Variants in XKR4 observed in about 807,000 individuals in gnomAD.
The protein encoded by XKR4 is XK related 4.
In XKR4, 12 loss-of-function variants were observed where a neutral mutation model predicts 53.9. The observed-to-expected ratio is 0.22, with a 90% CI of 0.14 to 0.36. The LOEUF is 0.36. Among genes scored for constraint, XKR4 ranks in the 10% least tolerant of loss-of-function variants. The pLI is 1.00. For synonymous variants in XKR4, 354 were observed against 362.4 expected (o/e 0.98, Z 0.26); for missense variants, 799 against 859.5 (o/e 0.93, Z 0.88).
intron 2 of XKR4, among the ~76,000 whole-genome samples, chr8:55,418,352 G>A (rs1374296948): frequency 2.6e-5 from 4 of 152,184 alleles, no homozygotes; most frequent in African/African-American, 7.2e-5. Flanking sequence ...TCAGTGAATG[G>A]CAAATCCATT....
At chr8:55,280,824 C>A (rs1818835865) in intron 1 of XKR4, among the ~76,000 whole-genome samples, 1 of 152,260 alleles carries the variant, frequency 6.6e-6, no homozygotes, top group Non-Finnish European at 1.5e-5. Context: ...AATGCCCATT[C>A]TATACGTTAA....
Position 55,315,688 on chromosome 8 carries a change from T to G in XKR4, c.807-41990T>G, listed in dbSNP as rs148129451. Among the ~76,000 whole-genome samples, 811 of 152,236 alleles carry G rather than the reference T, an allele frequency of 5.3e-3. 7 individuals carry two copies. Among genetic ancestry groups the G allele is most frequent in the African/African-American group, 0.018 (764 of 41,550 alleles). On this transcript the variant is annotated intron_variant, in intron 1 of 2. Transcript: ENST00000327381. ...AACATAAAACCAAATGGAAAGAACTTTTTATGCTACAAAACCACCTCATTA... is the reference window on the plus strand; with the variant it reads ...AACATAAAACCAAATGGAAAGAACTGTTTATGCTACAAAACCACCTCATTA...
At chr8:55,204,260 C>A (rs939607659) in intron 1 of XKR4, among the ~76,000 whole-genome samples, 1 of 152,082 alleles carries the variant, frequency 6.6e-6, no homozygotes, top group African/African-American at 2.4e-5. Flanking sequence ...CCCACCTCAG[C>A]CTCCTAAAAT....
chr8:55,173,132 GC>G (rs918931128), intron 1 of XKR4, among the ~76,000 whole-genome samples: 59 of 152,192 alleles, frequency 3.9e-4, no homozygotes, highest in African/African-American at 1.3e-3. Flanking sequence ...GAGCTGTCCT[GC>G]CCCCGATCTC....
intron 2 of XKR4, among the ~76,000 whole-genome samples, chr8:55,389,110 T>C (rs114089557): frequency 0.013 from 1,985 of 152,282 alleles, 49 homozygotes; most frequent in African/African-American, 0.046. Context: ...TGAAGACTGT[T>C]GTCTCGCTGC....
chr8:55,165,454 G>T (rs903299560), intron 1 of XKR4, among the ~76,000 whole-genome samples: 1 of 151,610 alleles, frequency 6.6e-6, no homozygotes, highest in African/African-American at 2.4e-5. Context: ...TAAAATTTTG[G>T]CAATGCTAAA....
chr8:55,282,364 G>T (rs1037433685), intron 1 of XKR4, among the ~76,000 whole-genome samples: 6 of 152,168 alleles, frequency 3.9e-5, no homozygotes, highest in Non-Finnish European at 4.4e-5. Context: ...CTGAGACTGG[G>T]TGATTTATGA....
intron 1 of XKR4, among the ~76,000 whole-genome samples, chr8:55,303,668 T>A (rs1204081906): frequency 2.0e-5 from 3 of 152,220 alleles, no homozygotes; most frequent in Non-Finnish European, 4.4e-5. Flanking sequence ...ATTGCCACAA[T>A]TTCAGAGCCT....
Position 55,454,411 on chromosome 8 carries a change from G to T in XKR4, c.1007-68870G>T. The T allele has an allele frequency of 1.5e-5, 20 of 1,316,028 alleles. No homozygotes were observed. In the South Asian group the frequency reaches 2.5e-4, roughly 16 times the overall value. 81.5% of individuals were successfully genotyped at this position (1,316,028 alleles called of 1,614,324 possible). ...TGAGAGGAAACAGCAATGCCAGGAG[G>T]CTCCTGCAGGCATCGGTGAGCTGCT... On this transcript the variant is annotated intron_variant, in intron 2 of 2. Transcript: ENST00000327381.
At chr8:55,499,967 A>G (rs1310237050) in intron 2 of XKR4, among the ~76,000 whole-genome samples, 1 of 152,142 alleles carries the variant, frequency 6.6e-6, no homozygotes, top group African/African-American at 2.4e-5. Flanking sequence ...GAGGAAAGAA[A>G]ATAATAGCCA....
intron 2 of XKR4, among the ~76,000 whole-genome samples, chr8:55,429,751 A>G (rs1017514853): frequency 3.1e-4 from 47 of 152,128 alleles, no homozygotes; most frequent in African/African-American, 1.0e-3. Context: ...AAAAGAAAAG[A>G]AAAAGAAAGA....
At position 55,523,414 on chromosome 8, in the gene XKR4, C is replaced by T; in HGVS notation, c.1140C>T (p.Phe380=). The change falls in exon 3 of 3, where the codon TTC becomes TTT. Residue 380 remains phenylalanine, a synonymous_variant. Transcript: ENST00000327381. ...MAVIIQFCWH[F]FTIAARVITF... The stretch of plus-strand genomic sequence containing the variant: ...TCATCATCCAGTTCTGCTGGCACTT[C>T]TTCACCATCGCCGCCAGGGTCATCA... 1 of 1,614,234 alleles carries T rather than the reference C, an allele frequency of 6.2e-7. No individual in the cohort carries two copies. Among genetic ancestry groups the T allele is most frequent in the Non-Finnish European group, 8.5e-7 (1 of 1,180,040 alleles).
intron 2 of XKR4, among the ~76,000 whole-genome samples, chr8:55,461,564 G>A (rs897448095): frequency 1.3e-5 from 2 of 152,238 alleles, no homozygotes; most frequent in Non-Finnish European, 2.9e-5. Context: ...AAAAATCAGA[G>A]TGCCTCTCCT....
intron 2 of XKR4, among the ~76,000 whole-genome samples, chr8:55,468,329 G>T (rs1173367612): frequency 2.6e-5 from 4 of 152,054 alleles, no homozygotes; most frequent in Admixed American, 6.6e-5. Context: ...TCTTGTCTTG[G>T]ACTGTCAGTT....
intron 1 of XKR4, among the ~76,000 whole-genome samples, chr8:55,316,765 C>T (rs536312831): frequency 5.3e-5 from 8 of 152,120 alleles, no homozygotes; most frequent in African/African-American, 1.9e-4. Context: ...TCTACCGCAA[C>T]CCCCAAGCAT....
intron 1 of XKR4, among the ~76,000 whole-genome samples, chr8:55,303,500 T>C (rs1819238122): frequency 6.6e-6 from 1 of 152,130 alleles, no homozygotes. Context: ...ATCAGGATGA[T>C]GCTGGCCTCA....
chr8:55,425,332 G>A (rs946720655), intron 2 of XKR4, among the ~76,000 whole-genome samples: 16 of 152,134 alleles, frequency 1.1e-4, no homozygotes, highest in Non-Finnish European at 5.9e-5. Flanking sequence ...CTGGAGGTTG[G>A]CCCCTCACCG....
intron 2 of XKR4, among the ~76,000 whole-genome samples, chr8:55,433,640 T>C (rs1805132917): frequency 6.6e-6 from 1 of 152,178 alleles, no homozygotes; most frequent in African/African-American, 2.4e-5. Context: ...AAAAGGCAAG[T>C]ATAACCAAAA....
chr8:55,218,112 A>G (rs1585946203), intron 1 of XKR4, among the ~76,000 whole-genome samples: 1 of 152,228 alleles, frequency 6.6e-6, no homozygotes, highest in African/African-American at 2.4e-5. Context: ...TTTACTCTTC[A>G]CAAGAACCAG....
Sources: gnomAD v4.1 joint callset for allele counts (sites outside exome capture counted in the v4.1 genomes callset) on GRCh38, gnomAD v4.1.1 for gene constraint, MANE v1.5 for transcripts, NCBI Gene and HGNC (gene_info 2026-07-23, HGNC 2026-07-21) for gene names.